Variants in MTHFS observed in about 807,000 individuals in gnomAD.
The protein encoded by MTHFS is methenyltetrahydrofolate synthetase.
Under a neutral mutation model 12.7 loss-of-function variants are expected in MTHFS, and 7 were observed. The observed-to-expected ratio is 0.55, with a 90% CI of 0.31 to 1.03. The LOEUF is 1.03. Ranked by LOEUF, MTHFS falls within the 50% of genes least tolerant of loss-of-function variation. The pLI is 0.05. For synonymous variants in MTHFS, 100 were observed against 97.1 expected (o/e 1.03, Z -0.18); for missense variants, 252 against 258.1 (o/e 0.98, Z 0.16).
intron 2 of MTHFS, among the ~76,000 whole-genome samples, chr15:79,845,820 G>A (rs146589589): frequency 2.2e-4 from 34 of 152,270 alleles, no homozygotes; most frequent in African/African-American, 7.7e-4. Flanking sequence ...CAGTTGGAGG[G>A]CGGGAAACAG....
intron 2 of MTHFS, among the ~76,000 whole-genome samples, chr15:79,887,294 GA>G (rs1039860547): frequency 1.3e-5 from 2 of 152,170 alleles, no homozygotes; most frequent in East Asian, 1.9e-4. Flanking sequence ...TCCTAACCAA[GA>G]AGTGTAAATA....
chr15:79,864,547 C>CAAAAAAAA lies in MTHFS; in HGVS notation c.380-19113_380-19106dup, dbSNP rs58698908. 1.5e-3 allele frequency among the ~76,000 whole-genome samples: 100 copies of CAAAAAAAA among 64,538 alleles called. 4 individuals carry two copies. The highest frequency in any genetic ancestry group is 1.8e-3 in the Non-Finnish European group (68 of 37,424). 42.3% of individuals were successfully genotyped at this position (64,538 alleles called of 152,430 possible). On this transcript the variant is annotated intron_variant, in intron 2 of 2. Coordinates refer to ENST00000258874, the MANE Select transcript of MTHFS (RefSeq NM_006441.4). Reference sequence around the variant, plus strand: ...GCAACAAAGTGAGACTCCATCTCAACAAAAAAAAAAAAAAAAAAAAAAAAA... The same window carrying CAAAAAAAA: ...GCAACAAAGTGAGACTCCATCTCAACAAAAAAAAAAAAAAAAAAAAAAAAAAAAAAAAA...
In MTHFS at chr15:79,896,758, TG is replaced by T. The variant is rs1206706503; in HGVS notation, c.117+113del. ...GGGGAAACGTGCGCGCGCCGGGGGG[TG>T]GGGGGGCGCCTAGCCCAGCGCCAGC... is the stretch of plus-strand genomic sequence containing the variant. On this transcript the variant is annotated intron_variant, in intron 1 of 2. Transcript: ENST00000258874. 30 of 1,088,758 alleles carry T rather than the reference TG, an allele frequency of 2.8e-5. No homozygotes were observed. The East Asian group carries it at 3.1e-4, about 11-fold the overall frequency. The allele number at this position is 1,088,758 out of a possible 1,614,324, so 67.4% of individuals were successfully genotyped here.
intron 2 of MTHFS, among the ~76,000 whole-genome samples, chr15:79,884,639 T>A: frequency 6.6e-6 from 1 of 152,030 alleles, no homozygotes; most frequent in East Asian, 1.9e-4. Context: ...AATAAGTAGA[T>A]GGTGGGAAGG....
At chr15:79,865,832 C>T (rs962249192) in intron 2 of MTHFS, among the ~76,000 whole-genome samples, 8 of 152,194 alleles carry the variant, frequency 5.3e-5, no homozygotes, top group Admixed American at 2.0e-4. Context: ...CTACAATAAT[C>T]GCTTATTCCC....
intron 2 of MTHFS, among the ~76,000 whole-genome samples, chr15:79,852,635 CT>C (rs1212560395): frequency 6.6e-6 from 1 of 152,172 alleles, no homozygotes; most frequent in Non-Finnish European, 1.5e-5. Flanking sequence ...AAAATTCTTT[CT>C]TTTAACACAG....
chr15:79,872,562 G>A (rs1596073471), intron 2 of MTHFS, among the ~76,000 whole-genome samples: 1 of 152,124 alleles, frequency 6.6e-6, no homozygotes, highest in Admixed American at 6.5e-5. Context: ...AGGGGCTCCT[G>A]GCAACTGTAT....
chr15:79,873,475 C>T (rs571250406), intron 2 of MTHFS, among the ~76,000 whole-genome samples: 3 of 152,158 alleles, frequency 2.0e-5, no homozygotes, highest in Non-Finnish European at 2.9e-5. Flanking sequence ...CCACATACCA[C>T]ATCCCTGAAA....
chr15:79,890,494 G>C (rs935065800), intron 1 of MTHFS, among the ~76,000 whole-genome samples: 1 of 151,994 alleles, frequency 6.6e-6, no homozygotes, highest in Non-Finnish European at 1.5e-5. Context: ...CTCCCAAAGT[G>C]CTGGGATTAC....
At chr15:79,856,495 T>C (rs1216115715) in intron 2 of MTHFS, among the ~76,000 whole-genome samples, 2 of 152,108 alleles carry the variant, frequency 1.3e-5, no homozygotes, top group African/African-American at 4.8e-5. Flanking sequence ...AGAAATAAAT[T>C]AAGTCAGTCA....
At chr15:79,890,094 GT>G (rs1566999239) in intron 1 of MTHFS, among the ~76,000 whole-genome samples, 2 of 151,302 alleles carry the variant, frequency 1.3e-5, no homozygotes, top group African/African-American at 2.4e-5. Context: ...ACCATATTCA[GT>G]TGAATCATCC....
At chr15:79,869,154 T>C (rs1360019470) in intron 2 of MTHFS, among the ~76,000 whole-genome samples, 1 of 152,194 alleles carries the variant, frequency 6.6e-6, no homozygotes, top group Admixed American at 6.5e-5. Context: ...GCAAATGAAG[T>C]ATTTTTAGTC....
At chr15:79,846,593 G>T (rs1197250111) in intron 2 of MTHFS, among the ~76,000 whole-genome samples, 1 of 152,120 alleles carries the variant, frequency 6.6e-6, no homozygotes, top group East Asian at 1.9e-4. Flanking sequence ...GCATACACCT[G>T]GTCACCCCTG....
In MTHFS at chr15:79,863,957, T is replaced by C. The variant is rs375718552; in HGVS notation, c.380-18515A>G. 8.5e-5 allele frequency among the ~76,000 whole-genome samples: 13 copies of C among 152,296 alleles called. No homozygotes were observed. In the East Asian group the frequency reaches 2.5e-3, roughly 29 times the overall value. On this transcript the variant is annotated intron_variant, in intron 2 of 2. Coordinates refer to ENST00000258874, the MANE Select transcript of MTHFS (RefSeq NM_006441.4). ...CTGATAACCTGAGCATGCCCTCCTTTTACTCGCCTCCACAGCACATGACGG... is the reference window on the plus strand; with the variant it reads ...CTGATAACCTGAGCATGCCCTCCTTCTACTCGCCTCCACAGCACATGACGG...
rs200653177 is a variant in MTHFS, at chr15:79,889,298, C to T, written c.174G>A (p.Met58Ile). ...KSKRISIFLS[M>I]QDEIETEEII... Reference sequence around the variant, plus strand: ...TCTCTTCTGTCTCAATTTCATCTTGCATGCTCAGAAAGATGGAAATTCTTT... The same window carrying T: ...TCTCTTCTGTCTCAATTTCATCTTGTATGCTCAGAAAGATGGAAATTCTTT... Residue 58 changes from methionine to isoleucine, a missense_variant, in exon 2 of 3, where the codon ATG becomes ATA. By Grantham distance (10) the Met-to-Ile change is conservative. Transcript: ENST00000258874. 7.4e-6 allele frequency: 12 copies of T among 1,614,186 alleles called. No homozygotes were observed. In the East Asian group the frequency reaches 1.8e-4, roughly 24 times the overall value.
intron 2 of MTHFS, among the ~76,000 whole-genome samples, chr15:79,888,168 A>G (rs1401753083): frequency 6.6e-6 from 1 of 152,156 alleles, no homozygotes; most frequent in Non-Finnish European, 1.5e-5. Flanking sequence ...AAACTTCCCA[A>G]GCAGCTGTTG....
intron 2 of MTHFS, among the ~76,000 whole-genome samples, chr15:79,864,469 C>G (rs534559941): frequency 1.9e-4 from 27 of 140,534 alleles, no homozygotes; most frequent in Non-Finnish European, 3.3e-4. Flanking sequence ...CGCTTGAACC[C>G]GGGAGGTGGA....
intron 2 of MTHFS, among the ~76,000 whole-genome samples, chr15:79,850,984 T>A (rs1164904482): frequency 6.6e-6 from 1 of 152,134 alleles, no homozygotes; most frequent in African/African-American, 2.4e-5. Context: ...TGTCCTGAGC[T>A]TTTCAGAATA....
At chr15:79,853,820 T>C (rs572825551) in intron 2 of MTHFS, among the ~76,000 whole-genome samples, 54 of 152,336 alleles carry the variant, frequency 3.5e-4, no homozygotes, top group African/African-American at 1.3e-3. Flanking sequence ...ATTCCTCTGT[T>C]AGAAATAGCC....
Sources: gnomAD v4.1 joint callset for allele counts (sites outside exome capture counted in the v4.1 genomes callset) on GRCh38, gnomAD v4.1.1 for gene constraint, MANE v1.5 for transcripts, NCBI Gene and HGNC (gene_info 2026-07-23, HGNC 2026-07-21) for gene names.